RAPGEF5: variants seen among roughly 807,000 people sequenced by gnomAD.
The protein encoded by RAPGEF5 is M-Ras-regulated GEF.
RAPGEF5 carries 65 observed loss-of-function variants against 125.2 expected under a neutral mutation model. The ratio of observed to expected loss-of-function variants is 0.52; its 90% CI spans 0.43 to 0.64. The LOEUF is 0.64. Among genes scored for constraint, RAPGEF5 ranks in the 30% least tolerant of loss-of-function variants. RAPGEF5 has a pLI of 0.00. For synonymous variants in RAPGEF5, 391 were observed against 385.9 expected, an observed-to-expected ratio of 1.01 and a Z score of -0.16; for missense variants, 958 against 1,048.1, an observed-to-expected ratio of 0.91 and a Z score of 1.19.
intron 7 of RAPGEF5, among the ~76,000 whole-genome samples, chr7:22,259,316 G>A (rs1299531893): frequency 1.3e-5 from 2 of 152,124 alleles, no homozygotes; most frequent in Non-Finnish European, 2.9e-5. Flanking sequence ...CTATTAAAAG[G>A]GCCTACTAGA....
At chr7:22,206,415 A>G (rs1046186203) in intron 9 of RAPGEF5, among the ~76,000 whole-genome samples, 8 of 152,230 alleles carry the variant, frequency 5.3e-5, no homozygotes, top group African/African-American at 1.9e-4. Flanking sequence ...AAAAAATCCA[A>G]GTGAGGCCAA....
At chr7:22,197,110 G>C (rs1785165038) in intron 9 of RAPGEF5, among the ~76,000 whole-genome samples, 1 of 152,188 alleles carries the variant, frequency 6.6e-6, no homozygotes, top group Non-Finnish European at 1.5e-5. Flanking sequence ...GACCCCAGGA[G>C]AAAGCCTGCC....
intron 20 of RAPGEF5, among the ~76,000 whole-genome samples, chr7:22,142,197 C>T (rs1363548988): frequency 6.6e-6 from 1 of 152,154 alleles, no homozygotes; most frequent in East Asian, 1.9e-4. Context: ...ATGATGGAGG[C>T]CCCACTGCTT....
At chr7:22,262,598 T>C (rs1053549390) in intron 7 of RAPGEF5, among the ~76,000 whole-genome samples, 3 of 152,192 alleles carry the variant, frequency 2.0e-5, no homozygotes, top group Admixed American at 6.5e-5. Flanking sequence ...GAAATGAAGA[T>C]AGGCTCACAT....
intron 11 of RAPGEF5, among the ~76,000 whole-genome samples, chr7:22,188,145 TC>T (rs764822505): frequency 2.6e-5 from 4 of 152,144 alleles, no homozygotes; most frequent in Non-Finnish European, 5.9e-5. Context: ...TTACCTACCC[TC>T]AAACATTTTT....
In RAPGEF5 at chr7:22,356,616, T is replaced by TG. The variant is rs1259483747; in HGVS notation, c.231+213dup. On this transcript the variant is annotated intron_variant, in intron 1 of 25. Transcript: ENST00000665637. ...TGGGGTTAAGTCAGGTGCAGCCTGG[T>TG]GGGGGGGAGGTGTGGGGGCGGGGGA... 186 of 50,590 alleles carry TG rather than the reference T, an allele frequency of 3.7e-3. 1 individual carries two copies. The highest frequency in any genetic ancestry group is 7.1e-3 in the African/African-American group (11 of 1,558). The allele number at this position is 50,590 out of a possible 1,614,324, so 3.1% of individuals were successfully genotyped here.
chr7:22,206,519 T>C (rs4722111), intron 9 of RAPGEF5, among the ~76,000 whole-genome samples: 81,514 of 151,410 alleles, frequency 0.54, 21,891 homozygotes, highest in East Asian at 0.57. Context: ...CTGGGCAACA[T>C]AGTGAGGCCT....
rs1562715240 is a variant in RAPGEF5, at chr7:22,145,090, C to G, written c.2140G>C (p.Gly714Arg). 6.2e-7 allele frequency: 1 copy of G among 1,613,774 alleles called. No homozygotes were observed. Among genetic ancestry groups the G allele is most frequent in the Non-Finnish European group, 8.5e-7 (1 of 1,179,786 alleles). ...TTTTTCACCAGCTGCACTCGCTTGC[C>G]CAGCTGGCTGCAGAGCAGAATCTCC... ...ATEILLCSQL[G>R]KRVQLVKKFI... Residue 714 changes from glycine (G) to arginine (R), a missense_variant, in exon 20 of 26, where the codon GGC (glycine) becomes CGC (arginine). Physicochemically the swap from Gly to Arg is moderately radical, Grantham distance 125. Transcript: ENST00000665637.
At chr7:22,235,727 T>C (rs1398997033) in intron 7 of RAPGEF5, among the ~76,000 whole-genome samples, 1 of 152,072 alleles carries the variant, frequency 6.6e-6, no homozygotes, top group Non-Finnish European at 1.5e-5. Flanking sequence ...CATCCTGGAG[T>C]GGGGTCACAA....
At chr7:22,317,286 G>C (rs1783623024) in intron 2 of RAPGEF5, among the ~76,000 whole-genome samples, 1 of 149,744 alleles carries the variant, frequency 6.7e-6, no homozygotes, top group African/African-American at 2.5e-5. Context: ...TGTTGCCCAG[G>C]CTGGAGTGCA....
At chr7:22,277,368 T>C (rs1388670001) in intron 6 of RAPGEF5, among the ~76,000 whole-genome samples, 1 of 152,206 alleles carries the variant, frequency 6.6e-6, no homozygotes, top group Non-Finnish European at 1.5e-5. Flanking sequence ...TTCTTGTATT[T>C]AACAAGAAAT....
intron 1 of RAPGEF5, among the ~76,000 whole-genome samples, chr7:22,341,132 A>G (rs1423993802): frequency 2.0e-5 from 3 of 152,224 alleles, no homozygotes; most frequent in Non-Finnish European, 4.4e-5. Flanking sequence ...CAAAAGAAAT[A>G]GGTTTAATGG....
chr7:22,131,297 A>ATG (rs1782908496), intron 23 of RAPGEF5, among the ~76,000 whole-genome samples, 196 bp from the exon 24 acceptor site: 1 of 152,186 alleles, frequency 6.6e-6, no homozygotes, highest in Non-Finnish European at 1.5e-5. Flanking sequence ...GTGTGTGTAT[A>ATG]TGTGTGTGTG....
intron 7 of RAPGEF5, among the ~76,000 whole-genome samples, chr7:22,260,708 G>C (rs1339406274): frequency 6.6e-6 from 1 of 151,818 alleles, no homozygotes; most frequent in African/African-American, 2.4e-5. Flanking sequence ...TAATCTATAA[G>C]GTAAATACAC....
intron 7 of RAPGEF5, among the ~76,000 whole-genome samples, chr7:22,254,241 G>A (rs189478568): frequency 2.0e-5 from 3 of 151,614 alleles, no homozygotes; most frequent in South Asian, 2.1e-4. Flanking sequence ...TTCCAAAATC[G>A]TGTTACTGGT....
intron 11 of RAPGEF5, among the ~76,000 whole-genome samples, chr7:22,180,204 T>C (rs1296334610): frequency 3.9e-5 from 6 of 152,186 alleles, no homozygotes; most frequent in Non-Finnish European, 5.9e-5. Context: ...CAAAACAAAC[T>C]TAACATAAGC....
intron 7 of RAPGEF5, among the ~76,000 whole-genome samples, chr7:22,240,181 C>T (rs1400247382): frequency 6.8e-6 from 1 of 147,686 alleles, no homozygotes; most frequent in Non-Finnish European, 1.5e-5. Flanking sequence ...CTGCACTCCA[C>T]CCTGGGCATC....
chr7:22,124,396 A>G (rs55738808), intron 25 of RAPGEF5, among the ~76,000 whole-genome samples: 3,976 of 152,308 alleles, frequency 0.026, 153 homozygotes, highest in African/African-American at 0.091. Flanking sequence ...TGCTTGATGA[A>G]GAATTATATA....
At chr7:22,164,404 T>G (rs1291025528) in intron 12 of RAPGEF5, among the ~76,000 whole-genome samples, 2 of 15,520 alleles carry the variant, frequency 1.3e-4, no homozygotes, top group Admixed American at 2.4e-3. Flanking sequence ...ATACCTTCAC[T>G]AATATAAAGA....
Sources: allele counts gnomAD v4.1 joint callset (sites outside exome capture counted in the v4.1 genomes callset), GRCh38; gene constraint gnomAD v4.1.1; transcripts MANE v1.5; gene names NCBI Gene and HGNC (gene_info 2026-07-23, HGNC 2026-07-21).